The following WSB2 variants were observed in gnomAD, a reference collection of about 807,000 sequenced individuals.
The protein encoded by WSB2 is WD repeat and SOCS box-containing protein 2.
WSB2 carries 12 observed loss-of-function variants against 48.8 expected under a neutral mutation model. The observed-to-expected ratio is 0.25, with a 90% CI of 0.16 to 0.40. The LOEUF is 0.40. WSB2 is among the 10% of genes least tolerant of loss of function. The pLI is 1.00. For missense variants in WSB2, 317 were observed against 506.2 expected (o/e 0.63, Z 3.59); for synonymous variants, 191 against 203.1 (o/e 0.94, Z 0.51).
chr12:118,042,440 C>CCGATGAGAAAACCTGTTCTAG (rs2031655957), intron 4 of WSB2: 1 of 183,426 alleles, frequency 5.5e-6, no homozygotes, highest in Non-Finnish European at 1.2e-5. Context: ...ATCCATAGTG[C>CCGATGAGAAAACCTGTTCTAG]CGATGAGAAA....
At chr12:118,034,593 CGGCA>C (rs2031461561) in intron 8 of WSB2, 1 of 541,690 alleles carries the variant, frequency 1.8e-6, no homozygotes, top group Admixed American at 3.4e-5. Flanking sequence ...GTCTCTCTCT[CGGCA>C]CAGCCCTTTC....
At chr12:118,047,216 C>T (rs2031762554) in intron 2 of WSB2, among the ~76,000 whole-genome samples, 1 of 152,080 alleles carries the variant, frequency 6.6e-6, no homozygotes, top group Non-Finnish European at 1.5e-5. Flanking sequence ...GGGTTATTAA[C>T]TTTCCTGGGG....
At chr12:118,038,055 A>C in intron 5 of WSB2, 1 of 394,596 alleles carries the variant, frequency 2.5e-6, no homozygotes, top group Non-Finnish European at 4.5e-6. Context: ...CCATTTTATA[A>C]AGGGAAACAG....
chr12:118,057,006 C>CT (rs1332823783), intron 1 of WSB2, among the ~76,000 whole-genome samples: 2 of 152,208 alleles, frequency 1.3e-5, no homozygotes, highest in Non-Finnish European at 2.9e-5. Context: ...AATTCACACT[C>CT]TATTTCTGTG....
Position 118,060,812 on chromosome 12 carries a change from G to A in WSB2, c.13+224C>T, listed in dbSNP as rs930075724. 3.9e-5 allele frequency among the ~76,000 whole-genome samples: 6 copies of A among 152,010 alleles called. No homozygotes were observed. Among genetic ancestry groups the A allele is most frequent in the African/African-American group, 1.4e-4 (6 of 41,416 alleles). On this transcript the variant is annotated intron_variant, in intron 1 of 8. Transcript: ENST00000315436. This position sits in a 1 kb window ranked among gnomAD's most constrained non-coding sequence, Gnocchi z 4.1. ...GCCCGATCTTCCCGATCCTGTCGCC[G>A]GCGGGAGTCAGGGTGGCGGCCACTG...
At chr12:118,056,019 T>C (rs981321973) in intron 1 of WSB2, among the ~76,000 whole-genome samples, 5 of 151,984 alleles carry the variant, frequency 3.3e-5, no homozygotes, top group African/African-American at 1.2e-4. Context: ...CTCTCATCTA[T>C]GCAGCATCAT....
chr12:118,042,743 T>C, intron 4 of WSB2, 98 bp downstream of exon 4: 1 of 1,525,722 alleles, frequency 6.6e-7, no homozygotes, highest in South Asian at 1.3e-5. Flanking sequence ...GAAAAAAACA[T>C]CAAGAAACAC....
intron 1 of WSB2, among the ~76,000 whole-genome samples, chr12:118,057,629 T>C (rs537909973): frequency 6.6e-6 from 1 of 152,258 alleles, no homozygotes; most frequent in South Asian, 2.1e-4. Flanking sequence ...ATATAACATG[T>C]TTTGATATAT....
intron 2 of WSB2, among the ~76,000 whole-genome samples, chr12:118,048,325 C>T (rs958671008): frequency 2.6e-5 from 4 of 152,026 alleles, no homozygotes; most frequent in African/African-American, 7.2e-5. Flanking sequence ...CAATGGCTCA[C>T]GCCTGTAATC....
intron 2 of WSB2, among the ~76,000 whole-genome samples, chr12:118,046,650 TTTG>T (rs1830432263): frequency 6.6e-6 from 1 of 152,142 alleles, no homozygotes; most frequent in Non-Finnish European, 1.5e-5. Context: ...GGCCCCTGAG[TTTG>T]TTGTCACGAG....
chr12:118,058,511 C>T lies in WSB2; in HGVS notation c.13+2525G>A, dbSNP rs183298163. ...CTACAGGCACATTCTACCATGCACGCGCCTATAGTTCGGTATTTTTTGCAG... is the reference window on the plus strand; with the variant it reads ...CTACAGGCACATTCTACCATGCACGTGCCTATAGTTCGGTATTTTTTGCAG... On this transcript the variant is annotated intron_variant, in intron 1 of 8. Transcript: ENST00000315436. 5.5e-4 allele frequency among the ~76,000 whole-genome samples: 84 copies of T among 151,778 alleles called. 2 individuals are homozygous for T. Among genetic ancestry groups the T allele is most frequent in the African/African-American group, 2.0e-3 (82 of 41,406 alleles).
At chr12:118,035,371 C>A in intron 6 of WSB2, 47 bp from the exon 7 acceptor site, 1 of 1,540,804 alleles carries the variant, frequency 6.5e-7, no homozygotes, top group Non-Finnish European at 9.0e-7. Flanking sequence ...GATGGCTGCT[C>A]TCCACCCTCC....
chr12:118,046,086 T>C (rs898415180), intron 2 of WSB2, among the ~76,000 whole-genome samples: 1 of 152,212 alleles, frequency 6.6e-6, no homozygotes, highest in African/African-American at 2.4e-5. Context: ...TTAGGTATTG[T>C]CTGAGGCTGC....
At position 118,036,249 on chromosome 12, in the gene WSB2, C is replaced by T. The variant is rs2031506850; in HGVS notation, c.833+89G>A. On this transcript the variant is annotated intron_variant, in intron 6 of 8. Coordinates refer to ENST00000315436, the MANE Select transcript of WSB2 (RefSeq NM_018639.5). ...TTATCCAGCTTGTCCCCTCCCATGT[C>T]CCAGATTCTAAAAGAGACATGTCTA... 12 of 1,447,010 alleles carry T rather than the reference C, an allele frequency of 8.3e-6. No individual in the cohort carries two copies. The South Asian group carries it at 1.1e-4, about 13-fold the overall frequency. The allele number at this position is 1,447,010 out of a possible 1,614,324, so 89.6% of individuals were successfully genotyped here.
chr12:118,038,249 A>G lies in WSB2; in HGVS notation c.660+39T>C, dbSNP rs768772935. 3.2e-6 allele frequency: 5 copies of G among 1,585,522 alleles called. No homozygotes were observed. In the African/African-American group the frequency reaches 4.0e-5, roughly 13 times the overall value. ...CACCAGGCCACCACTTCAGACCTCC[A>G]TGTCTCAGTGAATTAAAGCAATAAC... is the stretch of plus-strand genomic sequence containing the variant. On this transcript the variant is annotated intron_variant, in intron 5 of 8. Coordinates refer to ENST00000315436, the MANE Select transcript of WSB2 (RefSeq NM_018639.5).
chr12:118,052,617 G>T (rs1405798043), intron 1 of WSB2, 139 bp from the exon 2 acceptor site: 7 of 1,290,458 alleles, frequency 5.4e-6, no homozygotes. Flanking sequence ...ATGACCCAGG[G>T]CAATAACAGC....
chr12:118,057,872 C>A, intron 1 of WSB2, among the ~76,000 whole-genome samples: 1 of 151,450 alleles, frequency 6.6e-6, no homozygotes, highest in Non-Finnish European at 1.5e-5. Context: ...GATCCTCCCG[C>A]CTCAGCCTCC....
intron 5 of WSB2, among the ~76,000 whole-genome samples, chr12:118,037,173 CTG>C (rs2031531102): frequency 6.6e-6 from 1 of 150,622 alleles, no homozygotes; most frequent in African/African-American, 2.4e-5. Context: ...AAGAGTAAGA[CTG>C]TCTCAAATTT....
In WSB2 at chr12:118,041,037, A is replaced by G. The variant is rs1220060116; in HGVS notation, c.559+1804T>C. Reference sequence around the variant, plus strand: ...GCACTCCAGCCTGGGTGACACAGTGAGACTCCGTCTCAAGAAAAAACAAAC... The same window carrying G: ...GCACTCCAGCCTGGGTGACACAGTGGGACTCCGTCTCAAGAAAAAACAAAC... On this transcript the variant is annotated intron_variant, in intron 4 of 8. Transcript: ENST00000315436. 2.6e-5 allele frequency among the ~76,000 whole-genome samples: 4 copies of G among 152,248 alleles called. No homozygotes were observed. In the East Asian group the frequency reaches 7.7e-4, roughly 29 times the overall value.
Sources: allele counts gnomAD v4.1 joint callset (sites outside exome capture counted in the v4.1 genomes callset), GRCh38; gene constraint gnomAD v4.1.1; non-coding constraint Gnocchi (gnomAD v3.1); transcripts MANE v1.5; gene names NCBI Gene and HGNC (gene_info 2026-07-23, HGNC 2026-07-21).